MARCHF10: variants seen among roughly 807,000 people sequenced by gnomAD.
The protein encoded by MARCHF10 is probable E3 ubiquitin-protein ligase MARCHF10.
A neutral mutation model predicts 76.2 loss-of-function variants in MARCHF10; 64 were observed. The ratio of observed to expected loss-of-function variants is 0.84; its 90% CI spans 0.69 to 1.03. The LOEUF (loss-of-function observed/expected upper bound fraction) is 1.03. Ranked by LOEUF, MARCHF10 falls within the 50% of genes least tolerant of loss-of-function variation. The pLI, the probability that MARCHF10 is intolerant of heterozygous loss-of-function variation, is 0.00. For synonymous variants in MARCHF10, 340 were observed against 357.5 expected, an observed-to-expected ratio of 0.95 and a Z score of 0.55; for missense variants, 875 against 958.0, an observed-to-expected ratio of 0.91 and a Z score of 1.14.
chr17:62,780,822 T>C (rs183530396), intron 3 of MARCHF10: 2 of 152,296 alleles, frequency 1.3e-5, no homozygotes, highest in Non-Finnish European at 2.9e-5. Context: ...CGTGATGTGT[T>C]GCTTTCTAGA....
At chr17:62,703,217 CCTCT>C (rs1326354240) in intron 10 of MARCHF10, 2 of 152,342 alleles carry the variant, frequency 1.3e-5, no homozygotes, top group Non-Finnish European at 2.9e-5. Flanking sequence ...GAGGCTGGCA[CCTCT>C]CTGTGCTACC....
At chr17:62,721,441 A>C (rs2090482589) in intron 8 of MARCHF10, among the ~76,000 whole-genome samples, 1 of 151,996 alleles carries the variant, frequency 6.6e-6, no homozygotes. Context: ...AGAACAAGCC[A>C]CCTGTTCATT....
At chr17:62,722,287 A>G (rs540714808) in intron 8 of MARCHF10, among the ~76,000 whole-genome samples, 1 of 152,060 alleles carries the variant, frequency 6.6e-6, no homozygotes, top group East Asian at 1.9e-4. Context: ...CAAAAAAAAA[A>G]AAAAAAAAAA....
rs770140043 is a variant in MARCHF10 at position 62,725,111 on chromosome 17, G to A, written c.1938-7C>T. The A allele has an allele frequency of 1.3e-5, 20 of 1,576,394 alleles. No homozygotes were observed. In the South Asian group the frequency reaches 2.0e-4, roughly 16 times the overall value. The stretch of plus-strand genomic sequence containing the variant: ...GGAGTCCTCCTCCAGGAGACTAAAT[G>A]TGAAAACAAGCCCTCGTGACCAGGA... On this transcript the variant is annotated splice_polypyrimidine_tract_variant and splice_region_variant and intron_variant, in intron 6 of 10. Coordinates refer to ENST00000311269, the MANE Select transcript of MARCHF10 (RefSeq NM_152598.4).
chr17:62,712,669 G>T lies in MARCHF10; in HGVS notation c.2215-1325C>A, dbSNP rs2089991475. 6.6e-6 allele frequency among the ~76,000 whole-genome samples: 1 copy of T among 152,184 alleles called. No homozygotes were observed. The highest frequency in any genetic ancestry group is 6.5e-5 in the Admixed American group (1 of 15,268). On this transcript the variant is annotated intron_variant, in intron 8 of 10. Transcript: ENST00000311269. This position sits in a 1 kb window ranked among gnomAD's most constrained non-coding sequence, Gnocchi z 4.2. Reference sequence around the variant, plus strand: ...GTTAGCCTCCTATTTTTAGCCTTTGGTCGTGTTTTTTGTGCTCTGCTGACC... The same window carrying T: ...GTTAGCCTCCTATTTTTAGCCTTTGTTCGTGTTTTTTGTGCTCTGCTGACC...
chr17:62,793,463 TCAC>T (rs1415164993), intron 2 of MARCHF10, among the ~76,000 whole-genome samples: 2 of 48,308 alleles, frequency 4.1e-5, no homozygotes, highest in African/African-American at 9.2e-5. Context: ...ACCACCACCA[TCAC>T]CACCACCATC....
At chr17:62,724,744 C>T (rs1439143599) in intron 7 of MARCHF10, among the ~76,000 whole-genome samples, 194 bp downstream of exon 7, 1 of 152,140 alleles carries the variant, frequency 6.6e-6, no homozygotes, top group African/African-American at 2.4e-5. Flanking sequence ...CAAAAACAAA[C>T]AAAAAACCCC....
intron 9 of MARCHF10, among the ~76,000 whole-genome samples, chr17:62,707,018 G>A (rs573803165): frequency 2.6e-5 from 4 of 152,280 alleles, no homozygotes; most frequent in African/African-American, 7.2e-5. Context: ...TTGCAGAAGC[G>A]AGCATCCAGT....
In MARCHF10 at chr17:62,744,400, T is replaced by C. The variant is rs1285914486; in HGVS notation, c.511A>G (p.Lys171Glu). The change falls in exon 5 of 11, where the codon AAG (lysine) becomes GAG (glutamate). Residue 171 changes from lysine (K) to glutamate (E), a missense_variant. Transcript: ENST00000311269. ...CCTGCTCCCCTGGGAACCGGCACCT[T>C]TGCAGGCCACTGCTGTTTCTGTCTG... ...RSRQKQQWPAKVPVPRGADQV... is the reference protein window; with the variant it reads ...RSRQKQQWPAEVPVPRGADQV... 4 of 1,614,122 alleles carry C rather than the reference T, an allele frequency of 2.5e-6. No individual in the cohort carries two copies. In the East Asian group the frequency reaches 8.9e-5, roughly 36 times the overall value.
In MARCHF10 at chr17:62,775,761, T is replaced by C. The variant is rs540260568; in HGVS notation, c.210+12719A>G. 5.6e-4 allele frequency among the ~76,000 whole-genome samples: 85 copies of C among 152,284 alleles called. 1 individual carries two copies. The highest frequency in any genetic ancestry group is 2.0e-3 in the African/African-American group (82 of 41,566). ...GCAGGTATGAACCTGAATAATTTTA[T>C]CTCACAATTTAAAAATTTTAAAATT... On this transcript the variant is annotated intron_variant, in intron 3 of 10. Transcript: ENST00000311269.
At chr17:62,777,708 C>T (rs1282825952) in intron 3 of MARCHF10, among the ~76,000 whole-genome samples, 1 of 78,346 alleles carries the variant, frequency 1.3e-5, no homozygotes. Flanking sequence ...AGTGAGACTC[C>T]ATCTCAAAAA....
intron 3 of MARCHF10, among the ~76,000 whole-genome samples, chr17:62,780,703 C>T (rs2092642344): frequency 6.6e-6 from 1 of 152,102 alleles, no homozygotes; most frequent in Admixed American, 6.6e-5. Flanking sequence ...ACCTTTCTTC[C>T]CCATGAAGTA....
At chr17:62,701,804 G>A (rs776577721) in intron 10 of MARCHF10, 46 bp from the exon 11 acceptor site, 12 of 1,612,036 alleles carry the variant, frequency 7.4e-6, no homozygotes, top group African/African-American at 1.3e-5. Flanking sequence ...GCAGCAGACC[G>A]TGGGTCTGTT....
intron 6 of MARCHF10, among the ~76,000 whole-genome samples, chr17:62,728,886 T>C (rs1027833749): frequency 6.6e-6 from 1 of 152,160 alleles, no homozygotes; most frequent in Non-Finnish European, 1.5e-5. Context: ...TTTTAATCAA[T>C]GTCTTTCAGA....
chr17:62,792,412 C>G (rs1398052329), intron 2 of MARCHF10, among the ~76,000 whole-genome samples: 1 of 151,964 alleles, frequency 6.6e-6, no homozygotes, highest in Non-Finnish European at 1.5e-5. Context: ...ATCAACAAGG[C>G]ATACAGTTGG....
intron 3 of MARCHF10, among the ~76,000 whole-genome samples, chr17:62,783,765 A>C (rs2092702398): frequency 1.3e-5 from 2 of 152,212 alleles, no homozygotes. Flanking sequence ...AATAAACTAG[A>C]AAATCTAGAA....
At chr17:62,705,217 C>T in intron 10 of MARCHF10, 10 of 1,288,290 alleles carry the variant, frequency 7.8e-6, no homozygotes, top group East Asian at 3.9e-5. Context: ...CCCCCAAACT[C>T]TCCAAGTGCT....
At chr17:62,805,908 TAAAAAA>T (rs55879760) in intron 1 of MARCHF10, among the ~76,000 whole-genome samples, 2 of 125,370 alleles carry the variant, frequency 1.6e-5, no homozygotes, top group Non-Finnish European at 3.4e-5. Context: ...CCCTCAAAAA[TAAAAAA>T]AAATAATAAT....
chr17:62,779,414 GTGGGTTGACATTGACAGA>G (rs1297957005), intron 3 of MARCHF10, among the ~76,000 whole-genome samples: 1 of 152,218 alleles, frequency 6.6e-6, no homozygotes, highest in Non-Finnish European at 1.5e-5. Flanking sequence ...AAGGGTGTCA[GTGGGTTGACATTGACAGA>G]TTAATGGGAG....
Sources: gnomAD v4.1 joint callset for allele counts (sites outside exome capture counted in the v4.1 genomes callset) on GRCh38, gnomAD v4.1.1 for gene constraint, Gnocchi (gnomAD v3.1) non-coding constraint, MANE v1.5 for transcripts, NCBI Gene and HGNC (gene_info 2026-07-23, HGNC 2026-07-21) for gene names.